Variants in MYH11 observed in about 807,000 individuals in gnomAD.
MYH11 encodes myosin-11.
A neutral mutation model predicts 246.6 loss-of-function variants in MYH11; 80 were observed. The observed-to-expected ratio is 0.32, with a 90% CI of 0.27 to 0.39. MYH11 has a LOEUF of 0.39. Ranked by LOEUF, MYH11 falls within the 10% of genes least tolerant of loss-of-function variation. The probability of loss-of-function intolerance (pLI) is 1.00; values close to 1 mark genes in which losing one functional copy is unlikely to be tolerated. For synonymous variants in MYH11, 1,071 were observed against 1,015.5 expected (o/e 1.05, Z -1.04); for missense variants, 2,158 against 2,546.8 (o/e 0.85, Z 3.29).
At chr16:15,842,490 G>A (rs925119415) in intron 1 of MYH11, among the ~76,000 whole-genome samples, 2 of 151,928 alleles carry the variant, frequency 1.3e-5, no homozygotes, top group African/African-American at 2.4e-5. Flanking sequence ...GGCTAGGTGC[G>A]GTGGCTCACA....
chr16:15,797,750 C>A (rs2042778178), intron 4 of MYH11, among the ~76,000 whole-genome samples: 1 of 151,934 alleles, frequency 6.6e-6, no homozygotes, highest in Admixed American at 6.6e-5. Flanking sequence ...ATTCGATTCC[C>A]CCAATGCACA....
chr16:15,813,956 A>T (rs1238893917), intron 3 of MYH11, among the ~76,000 whole-genome samples: 1 of 151,588 alleles, frequency 6.6e-6, no homozygotes, highest in Admixed American at 6.6e-5. Flanking sequence ...GGAGCTCGAG[A>T]CGAGCCTGGC....
rs2042475278 is a variant in MYH11 at position 15,786,608 on chromosome 16, CTGAT to C, written c.633+18_633+21del. On this transcript the variant is annotated intron_variant, in intron 5 of 40. Transcript: ENST00000300036. ...AGACCGGTTGGCTAAATCATGGCCT[CTGAT>C]TGGGAACTGCCACTCACCGTGATAC... 1 of 1,608,564 alleles carries C rather than the reference CTGAT, an allele frequency of 6.2e-7. No homozygotes were observed. The highest frequency in any genetic ancestry group is 1.3e-5 in the African/African-American group (1 of 74,906).
At chr16:15,822,353 G>C (rs2151358425) in intron 3 of MYH11, among the ~76,000 whole-genome samples, 1 of 152,174 alleles carries the variant, frequency 6.6e-6, no homozygotes, top group East Asian at 1.9e-4. Flanking sequence ...CTTGGGGGTG[G>C]CTATTTCAGG....
chr16:15,741,707 AC>A, intron 21 of MYH11, 38 bp from the exon 22 acceptor site: 1 of 1,613,960 alleles, frequency 6.2e-7, no homozygotes, highest in Non-Finnish European at 8.5e-7. Context: ...GGTGAGCCCC[AC>A]GGGGCCAAGT....
intron 9 of MYH11, among the ~76,000 whole-genome samples, chr16:15,770,396 G>T (rs570034468): frequency 6.6e-6 from 1 of 152,324 alleles, no homozygotes; most frequent in Admixed American, 6.5e-5. Context: ...TCCTGAAAGA[G>T]ATTAACCTTC....
At chr16:15,835,633 A>C (rs984993046) in intron 2 of MYH11, among the ~76,000 whole-genome samples, 2 of 152,238 alleles carry the variant, frequency 1.3e-5, no homozygotes, top group African/African-American at 4.8e-5. Context: ...TCATGACCAC[A>C]GCAAAAACCA....
intron 33 of MYH11, among the ~76,000 whole-genome samples, 173 bp downstream of exon 33, chr16:15,720,666 G>A (rs2040417798): frequency 6.6e-6 from 1 of 152,024 alleles, no homozygotes; most frequent in Non-Finnish European, 1.5e-5. Context: ...GCAGGAGGTG[G>A]AGGTTGCAGT....
At chr16:15,839,976 G>T (rs1234423620) in intron 1 of MYH11, among the ~76,000 whole-genome samples, 1 of 151,876 alleles carries the variant, frequency 6.6e-6, no homozygotes, top group Non-Finnish European at 1.5e-5. Context: ...ACTTGAACCT[G>T]GGAGGCAGAG....
chr16:15,728,017 T>C (rs1243229026), intron 27 of MYH11, among the ~76,000 whole-genome samples: 2 of 151,808 alleles, frequency 1.3e-5, no homozygotes, highest in Non-Finnish European at 2.9e-5. Context: ...TCACTTGAGG[T>C]GAGGAGTTCG....
rs3073439 is a variant in MYH11 at position 15,766,344 on chromosome 16, GGTGTGT to G, written c.1034-2459_1034-2454del. On this transcript the variant is annotated intron_variant, in intron 9 of 40. Coordinates refer to ENST00000300036, the MANE Select transcript of MYH11 (RefSeq NM_002474.3). ...TATGTGAAGTGTACCCATGTTTTTT[GGTGTGT>G]GTGTGTGTGTGTGTGTGTGTGTGTG... is the stretch of plus-strand genomic sequence containing the variant. Among the ~76,000 whole-genome samples the G allele has an allele frequency of 9.0e-3, 1,226 of 136,740 alleles. 12 individuals are homozygous for G. The highest frequency in any genetic ancestry group is 0.02 in the African/African-American group (725 of 35,694). 89.7% of individuals were successfully genotyped at this position (136,740 alleles called of 152,430 possible). A position where few individuals can be genotyped will look rare whatever the true frequency, so the allele number is the denominator to read the frequency against.
chr16:15,737,093 A>G (rs571097881), intron 25 of MYH11, among the ~76,000 whole-genome samples: 82 of 152,248 alleles, frequency 5.4e-4, no homozygotes, highest in Admixed American at 1.6e-3. Flanking sequence ...TTCCCGCCTT[A>G]GACAGGGGTG....
chr16:15,758,488 A>T (rs557972633), intron 12 of MYH11, among the ~76,000 whole-genome samples: 1 of 151,920 alleles, frequency 6.6e-6, no homozygotes, highest in South Asian at 2.1e-4. Context: ...TGGCAAGCAT[A>T]GCGAAACCTC....
chr16:15,764,805 T>C (rs773854093), intron 9 of MYH11, among the ~76,000 whole-genome samples: 1 of 152,218 alleles, frequency 6.6e-6, no homozygotes, highest in Middle Eastern at 3.2e-3. Flanking sequence ...CATATGTCAA[T>C]AAAAGGATTT....
chr16:15,784,084 C>T (rs1342117451), intron 5 of MYH11, among the ~76,000 whole-genome samples: 2 of 152,118 alleles, frequency 1.3e-5, no homozygotes, highest in East Asian at 3.9e-4. Flanking sequence ...TAGCTGGGGC[C>T]TTACCGCGCC....
At position 15,715,277 on chromosome 16, in the gene MYH11, A is replaced by C; in HGVS notation, c.5505-5T>G. The C allele has an allele frequency of 6.2e-7, 1 of 1,613,958 alleles. No individual in the cohort carries two copies. Among genetic ancestry groups the C allele is most frequent in the African/African-American group, 1.3e-5 (1 of 75,010 alleles). On this transcript the variant is annotated splice_polypyrimidine_tract_variant and splice_region_variant and intron_variant, in intron 38 of 40. Coordinates refer to ENST00000300036, the MANE Select transcript of MYH11 (RefSeq NM_002474.3). ...TTGGTGGCCGCCTGTTTCTCTCTGC[A>C]AACAGCAAGGAAAACAGGTGGTTTC...
intron 1 of MYH11, among the ~76,000 whole-genome samples, chr16:15,847,648 C>T (rs989281776): frequency 2.6e-5 from 4 of 152,160 alleles, no homozygotes; most frequent in African/African-American, 2.4e-5. Context: ...AGGACACGCA[C>T]GCCTCCATTG....
intron 4 of MYH11, among the ~76,000 whole-genome samples, chr16:15,795,651 G>A (rs2042727408): frequency 6.6e-6 from 1 of 152,156 alleles, no homozygotes; most frequent in Non-Finnish European, 1.5e-5. Context: ...CTGCAAGATG[G>A]ATACTGGATT....
In MYH11 at chr16:15,721,475, G is replaced by A; in HGVS notation, c.4525C>T (p.Leu1509Phe). ...KEELERTNKM[L>F]KAEMEDLVSS... ...ACCAGGTCTTCCATTTCGGCTTTGA[G>A]CATTTTGTTGGTCCGCTCGAGTTCC... Residue 1509 changes from leucine (L) to phenylalanine (F), a missense_variant, in exon 32 of 41, where the codon CTC (leucine) becomes TTC (phenylalanine). By Grantham distance (22) the Leu-to-Phe change is conservative (BLOSUM62 0). Coordinates refer to ENST00000300036, the MANE Select transcript of MYH11 (RefSeq NM_002474.3). 6.2e-7 allele frequency: 1 copy of A among 1,614,182 alleles called. No homozygotes were observed. The highest frequency in any genetic ancestry group is 8.5e-7 in the Non-Finnish European group (1 of 1,180,040).
Sources: gnomAD v4.1 joint callset for allele counts (sites outside exome capture counted in the v4.1 genomes callset) on GRCh38, gnomAD v4.1.1 for gene constraint, MANE v1.5 for transcripts, NCBI Gene and HGNC (gene_info 2026-07-23, HGNC 2026-07-21) for gene names.